The following SLC6A16 variants were observed in gnomAD, a reference collection of about 807,000 sequenced individuals.
The protein encoded by SLC6A16 is orphan sodium- and chloride-dependent neurotransmitter transporter NTT5.
A neutral mutation model predicts 65.4 loss-of-function variants in SLC6A16; 54 were observed. The ratio of observed to expected loss-of-function variants is 0.83; its 90% CI spans 0.66 to 1.04. The LOEUF is 1.04. Ranked by LOEUF, SLC6A16 falls within the 50% of genes least tolerant of loss-of-function variation. SLC6A16 has a pLI of 0.00. For missense variants in SLC6A16, 816 were observed against 914.0 expected, an observed-to-expected ratio of 0.89 and a Z score of 1.38; for synonymous variants, 330 against 346.5, an observed-to-expected ratio of 0.95 and a Z score of 0.53.
chr19:49,325,328 G>T, upstream of SLC6A16: 2 of 776,610 alleles, frequency 2.6e-6, no homozygotes, highest in Non-Finnish European at 3.1e-6. Context: ...ACGCACGCAC[G>T]TGTGCACATC....
upstream of SLC6A16, among the ~76,000 whole-genome samples, chr19:49,325,462 A>G (rs538505946): frequency 6.6e-6 from 1 of 152,164 alleles, no homozygotes; most frequent in African/African-American, 2.4e-5. Context: ...CTTCCACTTC[A>G]TGTAAGGAAG....
chr19:49,293,448 G>A (rs1175166148), intron 9 of SLC6A16, 66 bp from the exon 10 acceptor site: 1 of 1,519,270 alleles, frequency 6.6e-7, no homozygotes, highest in African/African-American at 1.4e-5. Context: ...GCTAAGTAGA[G>A]GCCATAGACC....
At chr19:49,338,713 G>A in the SLC6A16 span, 1 of 1,611,708 alleles carries the variant, frequency 6.2e-7, no homozygotes. This position sits in a 1 kb window ranked among gnomAD's most constrained non-coding sequence, Gnocchi z 5.0. Flanking sequence ...CGCTGCTGCG[G>A]CTGGCACTAC....
chr19:49,310,543 C>A lies in SLC6A16; in HGVS notation c.416-33G>T, dbSNP rs1422787995. On this transcript the variant is annotated intron_variant, in intron 2 of 11. Transcript: ENST00000335875. Reference sequence around the variant, plus strand: ...GAAGATTCAGAAGGGACTCTGAGAACCATGTGGCCTTTCAGTGCCTGGACT... The same window carrying A: ...GAAGATTCAGAAGGGACTCTGAGAAACATGTGGCCTTTCAGTGCCTGGACT... 7 of 1,612,882 alleles carry A rather than the reference C, an allele frequency of 4.3e-6. No individual in the cohort carries two copies. In the South Asian group the frequency reaches 7.7e-5, roughly 18 times the overall value.
the SLC6A16 span, chr19:49,339,346 T>G: frequency 1.9e-6 from 3 of 1,613,914 alleles, no homozygotes; most frequent in Non-Finnish European, 2.5e-6. The surrounding 1 kb of genome is among the most constrained non-coding windows in gnomAD (Gnocchi z 4.5). Flanking sequence ...GCGCAGGGCC[T>G]CCAGAAGTGG....
the SLC6A16 span, chr19:49,338,622 T>C: frequency 6.6e-6 from 7 of 1,063,594 alleles, no homozygotes; most frequent in Non-Finnish European, 1.0e-5. The surrounding 1 kb of genome is among the most constrained non-coding windows in gnomAD (Gnocchi z 5.0). Flanking sequence ...CCTGACCTCA[T>C]ACCCATCACC....
chr19:49,313,710 C>T (rs1970566777), intron 1 of SLC6A16, among the ~76,000 whole-genome samples: 1 of 151,102 alleles, frequency 6.6e-6, no homozygotes, highest in South Asian at 2.1e-4. Context: ...TTAGGAGAAT[C>T]ACTTGAATCG....
At chr19:49,302,024 G>A (rs1455015296) in intron 7 of SLC6A16, among the ~76,000 whole-genome samples, 8 of 152,204 alleles carry the variant, frequency 5.3e-5, no homozygotes, top group Non-Finnish European at 5.9e-5. Flanking sequence ...AACTGCCCAC[G>A]TACATGCAGA....
the SLC6A16 span, chr19:49,339,854 A>C: frequency 3.0e-6 from 4 of 1,332,714 alleles, no homozygotes; most frequent in Non-Finnish European, 2.9e-6. This position sits in a 1 kb window ranked among gnomAD's most constrained non-coding sequence, Gnocchi z 4.5. Context: ...AAGGCACCGC[A>C]GGGCAAGCTG....
At chr19:49,299,546 A>G (rs67572071) in intron 7 of SLC6A16, among the ~76,000 whole-genome samples, 2 of 126,506 alleles carry the variant, frequency 1.6e-5, no homozygotes, top group Non-Finnish European at 3.2e-5. Context: ...AAAAAAAAAA[A>G]AAAGAAAGAA....
chr19:49,336,927 TGCA>T, the SLC6A16 span: 2 of 1,614,180 alleles, frequency 1.2e-6, no homozygotes, highest in Non-Finnish European at 1.7e-6. Flanking sequence ...TTCGTGCCTC[TGCA>T]GATCTGGTCC....
chr19:49,295,234 G>A (rs1481786578), intron 7 of SLC6A16, among the ~76,000 whole-genome samples: 1 of 152,038 alleles, frequency 6.6e-6, no homozygotes, highest in African/African-American at 2.4e-5. Flanking sequence ...ACAAAAATCA[G>A]CTGGGCATGG....
At chr19:49,308,247 T>C (rs960952624) in intron 7 of SLC6A16, among the ~76,000 whole-genome samples, 2 of 151,934 alleles carry the variant, frequency 1.3e-5, no homozygotes, top group African/African-American at 4.8e-5. Flanking sequence ...GGTCGGGAGA[T>C]CGAGACCATC....
chr19:49,303,652 C>CAA (rs59791436), intron 7 of SLC6A16, among the ~76,000 whole-genome samples: 10 of 87,892 alleles, frequency 1.1e-4, no homozygotes, highest in African/African-American at 3.8e-4. Flanking sequence ...GAGACTGTCT[C>CAA]AAAAAAAAAA....
Position 49,294,000 on chromosome 19 carries a change from A to G in SLC6A16, c.1445T>C (p.Leu482Pro), listed in dbSNP as rs745617475. The change falls in exon 9 of 12, where the codon CTG (leucine) becomes CCG (proline). Residue 482 changes from leucine to proline, a missense_variant. Transcript: ENST00000335875. ...GAAGGACATGGCTTCAACAAAGGAC[A>G]GGAATGCAAACTTTGGGCCCTCGCT... is the stretch of plus-strand genomic sequence containing the variant. The part of the protein sequence containing the change: ...KASEGPKFAF[L>P]SFVEAMSFLP... 3.7e-6 allele frequency: 6 copies of G among 1,612,962 alleles called. No homozygotes were observed. In the East Asian group the frequency reaches 1.1e-4, roughly 30 times the overall value.
Position 49,290,268 on chromosome 19 carries a change from C to A in SLC6A16, c.2066G>T (p.Arg689Met), listed in dbSNP as rs1970049351. The A allele has an allele frequency of 6.2e-7, 1 of 1,613,888 alleles. No homozygotes were observed. Among genetic ancestry groups the A allele is most frequent in the African/African-American group, 1.3e-5 (1 of 74,840 alleles). ...VYCRIHRIPF[R>M]PKSGDGPMTA... The stretch of plus-strand genomic sequence containing the variant: ...CATAGGCCCGTCTCCGCTCTTGGGC[C>A]TGAAGGGAATCCTATGTATGCGGCA... The change falls in exon 12 of 12, where the codon AGG (arginine) becomes ATG (methionine). Residue 689 changes from arginine to methionine, a missense_variant. Coordinates refer to ENST00000335875, the MANE Select transcript of SLC6A16 (RefSeq NM_014037.3).
At chr19:49,294,061 A>G (rs1435588193) in intron 8 of SLC6A16, 33 bp from the exon 9 acceptor site, 3 of 1,568,400 alleles carry the variant, frequency 1.9e-6, no homozygotes, top group Admixed American at 3.4e-5. Flanking sequence ...TTAAAGTGTC[A>G]TTGAACTAAA....
rs774404781 is a variant in SLC6A16, at chr19:49,290,289, C to T, written c.2045G>A (p.Arg682His). The T allele has an allele frequency of 7.3e-5, 118 of 1,613,788 alleles. No homozygotes were observed. The East Asian group carries it at 8.7e-4, about 12-fold the overall frequency. ...GGGCCTGAAGGGAATCCTATGTATGCGGCAGTATACAAAGTATGCAGGGAT... is the reference window on the plus strand; with the variant it reads ...GGGCCTGAAGGGAATCCTATGTATGTGGCAGTATACAAAGTATGCAGGGAT... ...LPIPAYFVYC[R>H]IHRIPFRPKS... Residue 682 changes from arginine (R) to histidine (H), a missense_variant, in exon 12 of 12, where the codon CGC (arginine) becomes CAC (histidine). Transcript: ENST00000335875.
At chr19:49,306,534 GTTTTTTT>G (rs554621023) in intron 7 of SLC6A16, among the ~76,000 whole-genome samples, 1 of 133,426 alleles carries the variant, frequency 7.5e-6, no homozygotes, top group Admixed American at 7.6e-5. Context: ...TTAGTTCTTT[GTTTTTTT>G]TTTTTCTTTT....
Sources: gnomAD v4.1 joint callset for allele counts (sites outside exome capture counted in the v4.1 genomes callset) on GRCh38, gnomAD v4.1.1 for gene constraint, Gnocchi (gnomAD v3.1) non-coding constraint, MANE v1.5 for transcripts, NCBI Gene and HGNC (gene_info 2026-07-23, HGNC 2026-07-21) for gene names.